Variants in STIM1 observed in about 807,000 individuals in gnomAD.
STIM1 encodes stromal interaction molecule 1.
Under a neutral mutation model 74.7 loss-of-function variants are expected in STIM1, and 25 were observed. That is an observed-to-expected ratio of 0.33 (90% CI 0.24 to 0.47). The LOEUF is 0.47. STIM1 is among the 20% of genes least tolerant of loss of function. The pLI is 1.00. For synonymous variants in STIM1, 328 were observed against 348.8 expected (o/e 0.94, Z 0.66); for missense variants, 728 against 920.8 (o/e 0.79, Z 2.71).
At chr11:3,877,935 G>A (rs895695624) in intron 1 of STIM1, among the ~76,000 whole-genome samples, 1 of 152,242 alleles carries the variant, frequency 6.6e-6, no homozygotes, top group African/African-American at 2.4e-5. Flanking sequence ...GGGAGAATGA[G>A]TAAGCAGGGA....
At chr11:4,019,243 T>G (rs1364362373) in intron 2 of STIM1, 5 of 152,240 alleles carry the variant, frequency 3.3e-5, no homozygotes, top group African/African-American at 1.2e-4. Context: ...ATTCCTCTCA[T>G]TAAAATGACA....
rs1235728494 is a variant in STIM1 at position 3,944,873 on chromosome 11, T to TA, written c.140-22676dup. On this transcript the variant is annotated intron_variant, in intron 1 of 12. Coordinates refer to ENST00000526596, the MANE Select transcript of STIM1 (RefSeq NM_001382567.1). ...TCCTATCTCTAGAGGAATCAGCTAC[T>TA]AAAGCCTAGTCCTCAATGCTCAATT... 2.0e-5 allele frequency among the ~76,000 whole-genome samples: 3 copies of TA among 152,258 alleles called. No individual in the cohort carries two copies. The East Asian group carries it at 5.8e-4, about 29-fold the overall frequency.
intron 3 of STIM1, among the ~76,000 whole-genome samples, chr11:4,048,455 G>T (rs1299538978): frequency 1.3e-5 from 2 of 151,840 alleles, no homozygotes; most frequent in East Asian, 3.9e-4. Flanking sequence ...ATGCTTTTTT[G>T]CTGAAAATCA....
At chr11:3,954,539 G>C (rs1176646103) in intron 1 of STIM1, among the ~76,000 whole-genome samples, 1 of 152,182 alleles carries the variant, frequency 6.6e-6, no homozygotes, top group Non-Finnish European at 1.5e-5. Flanking sequence ...GAAAAGTGCT[G>C]TAAATGAAAA....
In STIM1 at chr11:4,070,038, A is replaced by G. The variant is rs763916693; in HGVS notation, c.626A>G (p.Asn209Ser). The change falls in exon 6 of 13, where the codon AAT (asparagine) becomes AGT (serine). Residue 209 changes from asparagine (N) to serine (S), a missense_variant. By Grantham distance (46) the Asn-to-Ser change is conservative. Coordinates refer to ENST00000526596, the MANE Select transcript of STIM1 (RefSeq NM_001382567.1). ...LFGPPLLTRH[N>S]HLKDFMLVVS... Reference sequence around the variant, plus strand: ...CCCTCTCTGGCAGTGACTCGCCATAATCACCTCAAGGACTTCATGCTGGTG... The same window carrying G: ...CCCTCTCTGGCAGTGACTCGCCATAGTCACCTCAAGGACTTCATGCTGGTG... The G allele has an allele frequency of 1.6e-5, 26 of 1,614,070 alleles. 1 individual carries two copies. Among genetic ancestry groups the G allele is most frequent in the Non-Finnish European group, 2.5e-6 (3 of 1,180,046 alleles).
intron 2 of STIM1, chr11:3,974,272 C>G (rs569306302): frequency 9.0e-6 from 3 of 335,056 alleles, no homozygotes; most frequent in Non-Finnish European, 1.6e-5. Flanking sequence ...ATGATGTTTT[C>G]AGCGGCATCC....
chr11:3,893,750 G>A (rs962635448), intron 1 of STIM1, among the ~76,000 whole-genome samples: 1 of 151,514 alleles, frequency 6.6e-6, no homozygotes, highest in Non-Finnish European at 1.5e-5. Flanking sequence ...TCTGCCTCCC[G>A]GGTTCAAGTG....
At chr11:3,964,723 A>G (rs1301767663) in intron 1 of STIM1, among the ~76,000 whole-genome samples, 1 of 151,492 alleles carries the variant, frequency 6.6e-6, no homozygotes, top group Non-Finnish European at 1.5e-5. Flanking sequence ...ATCTTTCTTT[A>G]ATTCTTTTTT....
chr11:4,056,443 G>A (rs576213786), intron 4 of STIM1, among the ~76,000 whole-genome samples: 1 of 152,370 alleles, frequency 6.6e-6, no homozygotes, highest in East Asian at 1.9e-4. Flanking sequence ...TCTGTGCCAA[G>A]CACTTGTGCT....
intron 1 of STIM1, among the ~76,000 whole-genome samples, chr11:3,891,775 G>T (rs150661665): frequency 1.9e-4 from 29 of 152,302 alleles, no homozygotes; most frequent in Non-Finnish European, 3.8e-4. Flanking sequence ...CCTAGATCAA[G>T]ATACATTTCT....
At chr11:4,078,416 A>G (rs1013966992) in intron 7 of STIM1, among the ~76,000 whole-genome samples, 1 of 152,204 alleles carries the variant, frequency 6.6e-6, no homozygotes, top group Non-Finnish European at 1.5e-5. Context: ...ACATGGGTCC[A>G]GCCCAATTTT....
At chr11:3,970,504 C>A (rs1417843949) in intron 2 of STIM1, among the ~76,000 whole-genome samples, 1 of 151,066 alleles carries the variant, frequency 6.6e-6, no homozygotes, top group Middle Eastern at 3.5e-3. Flanking sequence ...GGTGGGGTAC[C>A]AGAAACCCTG....
intron 1 of STIM1, among the ~76,000 whole-genome samples, chr11:3,886,981 G>A (rs946834661): frequency 1.7e-4 from 25 of 151,374 alleles, no homozygotes; most frequent in African/African-American, 9.7e-5. Context: ...CCAGCCTGGC[G>A]ACAGAGCAAG....
At chr11:4,004,789 G>A (rs1388134586) in intron 2 of STIM1, among the ~76,000 whole-genome samples, 1 of 152,126 alleles carries the variant, frequency 6.6e-6, no homozygotes, top group African/African-American at 2.4e-5. Context: ...TACCATCAGA[G>A]TGAACAGGCA....
At position 4,009,235 on chromosome 11, in the gene STIM1, C is replaced by A. The variant is rs543054002; in HGVS notation, c.271-14638C>A. On this transcript the variant is annotated intron_variant, in intron 2 of 12. Coordinates refer to ENST00000526596, the MANE Select transcript of STIM1 (RefSeq NM_001382567.1). ...GCGTGAACTCAGGAGGCGGAGCTTG[C>A]AGTGAGCTGCGATCGCGCCACTGCA... 2.0e-5 allele frequency among the ~76,000 whole-genome samples: 3 copies of A among 150,648 alleles called. No individual in the cohort carries two copies. The East Asian group carries it at 5.9e-4, about 29-fold the overall frequency.
intron 2 of STIM1, among the ~76,000 whole-genome samples, chr11:4,006,033 G>C (rs199927594): frequency 2.0e-5 from 3 of 152,180 alleles, no homozygotes; most frequent in Non-Finnish European, 2.9e-5. Flanking sequence ...GATATGGCTT[G>C]GTTCTGTGTC....
intron 2 of STIM1, among the ~76,000 whole-genome samples, chr11:3,982,033 C>T (rs925811222): frequency 1.8e-4 from 27 of 151,204 alleles, no homozygotes; most frequent in African/African-American, 6.1e-4. Context: ...TCTTTTCTTT[C>T]TTTTTTGTTT....
chr11:3,928,216 CG>C (rs2092811992), intron 1 of STIM1, among the ~76,000 whole-genome samples: 3 of 148,412 alleles, frequency 2.0e-5, no homozygotes, highest in Admixed American at 1.4e-4. Context: ...TGTAATCCTG[CG>C]TAACAGTCCA....
At chr11:4,037,247 G>C (rs1490839604) in intron 3 of STIM1, among the ~76,000 whole-genome samples, 1 of 151,956 alleles carries the variant, frequency 6.6e-6, no homozygotes, top group East Asian at 1.9e-4. Flanking sequence ...GTAGAGACAG[G>C]GTTTCACCAT....
Sources: allele counts gnomAD v4.1 joint callset (sites outside exome capture counted in the v4.1 genomes callset), GRCh38; gene constraint gnomAD v4.1.1; transcripts MANE v1.5; gene names NCBI Gene and HGNC (gene_info 2026-07-23, HGNC 2026-07-21).